TMEM132B: variants seen among roughly 807,000 people sequenced by gnomAD.
TMEM132B encodes transmembrane protein 132B.
TMEM132B carries 18 observed loss-of-function variants against 90.8 expected under a neutral mutation model. That is an observed-to-expected ratio of 0.20 (90% CI 0.14 to 0.29). The LOEUF is 0.29. Among genes scored for constraint, TMEM132B ranks in the 10% least tolerant of loss-of-function variants. TMEM132B has a pLI of 1.00. For missense variants in TMEM132B, 1,096 were observed against 1,326.8 expected, an observed-to-expected ratio of 0.83 and a Z score of 2.70; for synonymous variants, 504 against 523.3, an observed-to-expected ratio of 0.96 and a Z score of 0.50.
chr12:125,452,347 A>C (rs1881175801), intron 3 of TMEM132B, among the ~76,000 whole-genome samples: 1 of 152,222 alleles, frequency 6.6e-6, no homozygotes, highest in Non-Finnish European at 1.5e-5. Flanking sequence ...AAAGTATTTG[A>C]TAATAGGGCT....
chr12:125,466,596 A>G (rs1352807603), intron 3 of TMEM132B, among the ~76,000 whole-genome samples: 1 of 152,228 alleles, frequency 6.6e-6, no homozygotes, highest in Non-Finnish European at 1.5e-5. Flanking sequence ...TGAATTATGA[A>G]TGTTTCACAG....
intron 1 of TMEM132B, among the ~76,000 whole-genome samples, chr12:125,220,172 T>C (rs1413048152): frequency 6.6e-6 from 1 of 152,242 alleles, no homozygotes; most frequent in Non-Finnish European, 1.5e-5. Flanking sequence ...ACTTTTCTTA[T>C]AGCAAGAGTA....
At chr12:125,463,136 A>G (rs997607481) in intron 3 of TMEM132B, among the ~76,000 whole-genome samples, 1 of 152,248 alleles carries the variant, frequency 6.6e-6, no homozygotes, top group Non-Finnish European at 1.5e-5. Flanking sequence ...AGCTGAATGA[A>G]GCGTCCACTC....
chr12:125,598,357 A>G (rs1885492404), intron 5 of TMEM132B, among the ~76,000 whole-genome samples: 1 of 152,176 alleles, frequency 6.6e-6, no homozygotes, highest in Admixed American at 6.5e-5. Context: ...ATCATTGAAA[A>G]ATTAACCTGC....
intron 4 of TMEM132B, among the ~76,000 whole-genome samples, chr12:125,541,779 G>A (rs1484616073): frequency 6.6e-6 from 1 of 151,076 alleles, no homozygotes; most frequent in African/African-American, 2.4e-5. Context: ...CAGCACTTTG[G>A]GAGGCCGAGG....
chr12:125,566,451 G>A (rs1358797010), intron 4 of TMEM132B, among the ~76,000 whole-genome samples: 2 of 152,148 alleles, frequency 1.3e-5, no homozygotes, highest in Non-Finnish European at 2.9e-5. Context: ...GATTTTTGTT[G>A]ATTTTCACTC....
intron 5 of TMEM132B, among the ~76,000 whole-genome samples, chr12:125,607,189 T>C (rs1469561916): frequency 6.6e-6 from 1 of 152,176 alleles, no homozygotes; most frequent in Non-Finnish European, 1.5e-5. Context: ...GAGACAAACA[T>C]TTTTAGTGTA....
intron 4 of TMEM132B, among the ~76,000 whole-genome samples, chr12:125,544,565 G>C (rs768563189): frequency 3.9e-5 from 6 of 152,194 alleles, no homozygotes; most frequent in Non-Finnish European, 5.9e-5. Flanking sequence ...GCTGATATCA[G>C]TAGAAGGGAA....
At chr12:125,428,647 C>A (rs1030438373) in intron 3 of TMEM132B, among the ~76,000 whole-genome samples, 2 of 152,156 alleles carry the variant, frequency 1.3e-5, no homozygotes, top group African/African-American at 4.8e-5. Flanking sequence ...TTTAACACAG[C>A]CTGCCCCAAC....
At position 125,186,500 on chromosome 12, in the gene TMEM132B, C is replaced by T. The variant is rs1333904837; in HGVS notation, c.-300C>T. 3.4e-5 allele frequency among the ~76,000 whole-genome samples: 5 copies of T among 146,448 alleles called. No homozygotes were observed. Among genetic ancestry groups the T allele is most frequent in the Non-Finnish European group, 7.6e-5 (5 of 65,878 alleles). ...TGGGGCGCAGGAGCCGCGGCGGCGG[C>T]GGCGGCGGGGGCCGCGCAACTCGGG... On this transcript the variant is annotated 5_prime_UTR_variant, in exon 1 of 9. Coordinates refer to ENST00000682704, the MANE Select transcript of TMEM132B (RefSeq NM_001366854.1). The surrounding 1 kb of genome is among the most constrained non-coding windows in gnomAD (Gnocchi z 6.3).
chr12:125,423,970 A>T (rs1398489443), intron 3 of TMEM132B, among the ~76,000 whole-genome samples: 1 of 152,214 alleles, frequency 6.6e-6, no homozygotes, highest in Non-Finnish European at 1.5e-5. Context: ...TCCCAGAAAA[A>T]TGCAAATACA....
chr12:125,272,701 G>C (rs967425538), intron 1 of TMEM132B, among the ~76,000 whole-genome samples: 1 of 152,226 alleles, frequency 6.6e-6, no homozygotes, highest in African/African-American at 2.4e-5. Flanking sequence ...GCTAAAGGCG[G>C]AGGGAAGGAG....
intron 4 of TMEM132B, among the ~76,000 whole-genome samples, chr12:125,534,447 G>A (rs146868201): frequency 9.2e-5 from 14 of 152,266 alleles, no homozygotes; most frequent in African/African-American, 3.1e-4. Flanking sequence ...CACCCAGGAG[G>A]TCGAGGCTGC....
Position 125,653,999 on chromosome 12 carries a change from A to T in TMEM132B, c.2541A>T (p.Glu847Asp). The change falls in exon 9 of 9, where the codon GAA becomes GAT. Residue 847 changes from glutamate to aspartate, a missense_variant. Transcript: ENST00000682704. ...GTGGCACACCTGTTGGCCAAGAGGA[A>T]AGTACCAACAAAAGCACAACCCCCC... is the stretch of plus-strand genomic sequence containing the variant. ...FHRGTPVGQE[E>D]STNKSTTPQS... The T allele has an allele frequency of 6.2e-7, 1 of 1,614,176 alleles. No homozygotes were observed. Among genetic ancestry groups the T allele is most frequent in the Admixed American group, 1.7e-5 (1 of 60,024 alleles).
chr12:125,291,657 C>G (rs1034593149), intron 1 of TMEM132B, among the ~76,000 whole-genome samples: 7 of 152,172 alleles, frequency 4.6e-5, no homozygotes, highest in Admixed American at 2.6e-4. Flanking sequence ...GAGACCACAC[C>G]TCAGGGCATG....
At chr12:125,547,302 G>A (rs754260116) in intron 4 of TMEM132B, among the ~76,000 whole-genome samples, 6 of 152,194 alleles carry the variant, frequency 3.9e-5, no homozygotes, top group Non-Finnish European at 8.8e-5. Context: ...GTCAGCACAT[G>A]ATATTGTCAT....
chr12:125,525,264 A>G (rs1295229590), intron 4 of TMEM132B, among the ~76,000 whole-genome samples: 2 of 152,222 alleles, frequency 1.3e-5, no homozygotes, highest in African/African-American at 4.8e-5. Flanking sequence ...TATTCATTGC[A>G]GTTCTGTATG....
intron 4 of TMEM132B, among the ~76,000 whole-genome samples, chr12:125,552,984 T>G (rs1566071392): frequency 6.6e-6 from 1 of 152,250 alleles, no homozygotes; most frequent in Non-Finnish European, 1.5e-5. Context: ...TGAGTAAGGT[T>G]GTGCAGGTTG....
chr12:125,617,263 C>T (rs1306015308), intron 5 of TMEM132B, among the ~76,000 whole-genome samples: 1 of 151,950 alleles, frequency 6.6e-6, no homozygotes, highest in Admixed American at 6.6e-5. Context: ...CACCTTATGT[C>T]ACTTCTCAGA....
Sources: gnomAD v4.1 joint callset for allele counts (sites outside exome capture counted in the v4.1 genomes callset) on GRCh38, gnomAD v4.1.1 for gene constraint, Gnocchi (gnomAD v3.1) non-coding constraint, MANE v1.5 for transcripts, NCBI Gene and HGNC (gene_info 2026-07-23, HGNC 2026-07-21) for gene names.